The following ATRX variants were observed in gnomAD, a reference collection of about 807,000 sequenced individuals.
The protein encoded by ATRX is ATRX chromatin remodeler.
ATRX carries 12 observed loss-of-function variants against 172.6 expected under a neutral mutation model. That is an observed-to-expected ratio of 0.07 (90% confidence interval 0.04 to 0.11). The LOEUF (loss-of-function observed/expected upper bound fraction) is 0.11, where lower values mean the gene tolerates loss of function less well. Ranked by LOEUF, ATRX falls within the 10% of genes least tolerant of loss-of-function variation. The pLI, the probability that ATRX is intolerant of heterozygous loss-of-function variation, is 1.00. For missense variants in ATRX, 1,368 were observed against 1,767.4 expected (o/e 0.77, Z 4.05); for synonymous variants, 674 against 594.7 (o/e 1.13, Z -1.94).
At chrX:77,712,604 C>T (rs2073166968) in intron 2 of ATRX, among the ~76,000 whole-genome samples, 1 of 111,065 alleles carries the variant, frequency 9.0e-6, no homozygotes, top group African/African-American at 3.3e-5. Context: ...GCAGGTGGAT[C>T]ACCTAAGGTC....
chrX:77,564,503 A>G (rs1557063544), intron 28 of ATRX, among the ~76,000 whole-genome samples: 1 of 110,654 alleles, frequency 9.0e-6, no homozygotes, highest in East Asian at 2.8e-4. Flanking sequence ...CTCCCACCTC[A>G]GCCTCCCAAG....
At chrX:77,609,641 G>A (rs149919412) in intron 22 of ATRX, among the ~76,000 whole-genome samples, 1 of 111,417 alleles carries the variant, frequency 9.0e-6, no homozygotes, top group East Asian at 2.8e-4. Context: ...ATGCCACCTC[G>A]ACTTTTGTAT....
At chrX:77,687,053 C>T (rs2071609308) in intron 7 of ATRX, among the ~76,000 whole-genome samples, 1 of 101,284 alleles carries the variant, frequency 9.9e-6, no homozygotes, top group South Asian at 4.9e-4. Flanking sequence ...ACTCGAGAGG[C>T]TGAGGCAGGA....
At chrX:77,658,931 A>G (rs1557121078) in intron 12 of ATRX, among the ~76,000 whole-genome samples, 2 of 112,299 alleles carry the variant, frequency 1.8e-5, no homozygotes, top group Non-Finnish European at 3.8e-5. Flanking sequence ...TTTTAAAAAA[A>G]TCTATCATAA....
chrX:77,607,036 T>G (rs2066938147), intron 22 of ATRX, among the ~76,000 whole-genome samples: 1 of 111,623 alleles, frequency 9.0e-6, no homozygotes, highest in Non-Finnish European at 1.9e-5. Context: ...TCATACTGAA[T>G]GGGAAAAAAC....
chrX:77,569,418 A>G (rs2065326435), intron 28 of ATRX, among the ~76,000 whole-genome samples: 1 of 111,351 alleles, frequency 9.0e-6, no homozygotes, highest in Non-Finnish European at 1.9e-5. Flanking sequence ...TTGCAGCAAG[A>G]CAAGAAAAGG....
chrX:77,638,277 T>C (rs1199450076), intron 15 of ATRX, among the ~76,000 whole-genome samples: 3 of 111,878 alleles, frequency 2.7e-5, no homozygotes, highest in Non-Finnish European at 5.6e-5. Flanking sequence ...ACCTGGTCAA[T>C]ATGGTGAAAT....
At chrX:77,670,438 T>C (rs2070495173) in intron 10 of ATRX, among the ~76,000 whole-genome samples, 1 of 112,249 alleles carries the variant, frequency 8.9e-6, no homozygotes, top group Non-Finnish European at 1.9e-5. Context: ...AAATGTCATA[T>C]ATTTAAAGGA....
chrX:77,634,185 ATACTT>A (rs1263563938), intron 17 of ATRX, among the ~76,000 whole-genome samples: 2 of 101,947 alleles, frequency 2.0e-5, no homozygotes, highest in African/African-American at 7.3e-5. Flanking sequence ...ATAGTAAAAG[ATACTT>A]TACTTTGTCA....
intron 15 of ATRX, among the ~76,000 whole-genome samples, chrX:77,650,879 C>T (rs45537139): frequency 0.016 from 1,766 of 111,889 alleles, 30 homozygotes; most frequent in African/African-American, 0.054. Flanking sequence ...TGAGCCACCG[C>T]GCCAGGCCCA....
intron 15 of ATRX, among the ~76,000 whole-genome samples, chrX:77,636,413 G>A (rs1249515708): frequency 1.8e-5 from 2 of 111,214 alleles, no homozygotes; most frequent in Non-Finnish European, 3.8e-5. Flanking sequence ...ACCATGTGAG[G>A]TGCCTCACTC....
intron 22 of ATRX, among the ~76,000 whole-genome samples, chrX:77,608,504 G>C (rs1486433485): frequency 9.0e-6 from 1 of 111,552 alleles, no homozygotes; most frequent in Non-Finnish European, 1.9e-5. Flanking sequence ...AGTCTCTTCA[G>C]TAAGTGGTGC....
At chrX:77,772,106 C>A (rs2076170247) in intron 1 of ATRX, among the ~76,000 whole-genome samples, 1 of 109,865 alleles carries the variant, frequency 9.1e-6, no homozygotes, top group Non-Finnish European at 1.9e-5. Context: ...ACCATCCTGA[C>A]CAACATGGGG....
chrX:77,702,645 T>G (rs1321053264), intron 2 of ATRX, among the ~76,000 whole-genome samples: 1 of 110,919 alleles, frequency 9.0e-6, no homozygotes, highest in Non-Finnish European at 1.9e-5. Context: ...CAAAACATAC[T>G]CTGAAAATTA....
chrX:77,572,269 G>A (rs781924942), intron 28 of ATRX, among the ~76,000 whole-genome samples: 2 of 110,837 alleles, frequency 1.8e-5, no homozygotes, highest in South Asian at 3.8e-4. Flanking sequence ...GAGTGCCAAC[G>A]TAACACTCGA....
intron 1 of ATRX, among the ~76,000 whole-genome samples, chrX:77,767,916 C>T (rs1255391207): frequency 4.5e-5 from 5 of 111,531 alleles, no homozygotes; most frequent in African/African-American, 1.3e-4. Context: ...TGTTATATAA[C>T]TCAACAGGTC....
chrX:77,659,816 T>C (rs2069771014), intron 12 of ATRX, among the ~76,000 whole-genome samples: 1 of 111,835 alleles, frequency 8.9e-6, no homozygotes, highest in Non-Finnish European at 1.9e-5. Context: ...AGCAGACTAT[T>C]CACTACTGAT....
chrX:77,745,773 G>A (rs782161532), intron 1 of ATRX, among the ~76,000 whole-genome samples: 1 of 111,602 alleles, frequency 9.0e-6, no homozygotes, highest in Non-Finnish European at 1.9e-5. Context: ...GAAACTATTA[G>A]AGATTAGAAA....
At chrX:77,650,752 T>A (rs938277249) in intron 15 of ATRX, among the ~76,000 whole-genome samples, 2 of 110,375 alleles carry the variant, frequency 1.8e-5, no homozygotes, top group African/African-American at 6.6e-5. Context: ...ACCTGGCTAA[T>A]TTTTTTTGTA....
Sources: allele counts gnomAD v4.1 joint callset (sites outside exome capture counted in the v4.1 genomes callset), GRCh38; gene constraint gnomAD v4.1.1; transcripts MANE v1.5; gene names NCBI Gene and HGNC (gene_info 2026-07-23, HGNC 2026-07-21).